The following RBM25 variants were observed in gnomAD, a reference collection of about 807,000 sequenced individuals.
The protein encoded by RBM25 is RNA binding motif protein 25.
In RBM25, 19 loss-of-function variants were observed where a neutral mutation model predicts 120.7. The ratio of observed to expected loss-of-function variants is 0.16; its 90% CI spans 0.11 to 0.23. The LOEUF (loss-of-function observed/expected upper bound fraction) is 0.23, where lower values mean the gene tolerates loss of function less well. Among genes scored for constraint, RBM25 ranks in the 10% least tolerant of loss-of-function variants. The pLI is 1.00. For missense variants in RBM25, 605 were observed against 1,041.5 expected, an observed-to-expected ratio of 0.58 and a Z score of 5.77; for synonymous variants, 390 against 326.7, an observed-to-expected ratio of 1.19 and a Z score of -2.09.
intron 4 of RBM25, among the ~76,000 whole-genome samples, chr14:73,081,988 C>T (rs575171297): frequency 3.9e-4 from 59 of 152,226 alleles, no homozygotes; most frequent in Non-Finnish European, 7.5e-4. Context: ...TGGGCCATTT[C>T]GTTCTGGAGC....
chr14:73,118,009 A>G (rs1896471047), intron 18 of RBM25, among the ~76,000 whole-genome samples: 1 of 152,224 alleles, frequency 6.6e-6, no homozygotes, highest in African/African-American at 2.4e-5. Context: ...GTAGAGAGGA[A>G]GACAATTTCC....
chr14:73,108,471 T>C (rs1305373532), intron 13 of RBM25, among the ~76,000 whole-genome samples: 8 of 152,220 alleles, frequency 5.3e-5, no homozygotes, highest in Non-Finnish European at 1.2e-4. Context: ...AATTGATACA[T>C]TATTGTGAAG....
intron 1 of RBM25, chr14:73,059,274 A>T (rs1594889440): frequency 6.6e-6 from 1 of 151,934 alleles, no homozygotes; most frequent in South Asian, 2.1e-4. Context: ...GCTAATACCT[A>T]CCTTTTTAGC....
chr14:73,107,688 G>T, intron 12 of RBM25, 138 bp from the exon 13 acceptor site: 1 of 668,140 alleles, frequency 1.5e-6, no homozygotes, highest in Non-Finnish European at 2.6e-6. Flanking sequence ...TTAAAATTAT[G>T]TGAAGAGAAA....
chr14:73,105,836 G>A lies in RBM25; in HGVS notation c.1155-23G>A, dbSNP rs778688399. 75 of 1,598,350 alleles carry A rather than the reference G, an allele frequency of 4.7e-5. No individual in the cohort carries two copies. In the South Asian group the frequency reaches 6.0e-4, roughly 13 times the overall value. On this transcript the variant is annotated intron_variant, in intron 10 of 18. Coordinates refer to ENST00000261973, the MANE Select transcript of RBM25 (RefSeq NM_021239.3). ...AAACAGAAAGTAGACTGACAGATTT[G>A]TAAAATATTTTGTTTACATTAGAGA...
At chr14:73,065,968 A>G (rs2806047) in intron 1 of RBM25, among the ~76,000 whole-genome samples, 44,638 of 152,164 alleles carry the variant, frequency 0.29, 7,051 homozygotes, top group Non-Finnish European at 0.35. Context: ...GCACTGGGCC[A>G]TTGCTAGAAT....
intron 4 of RBM25, among the ~76,000 whole-genome samples, chr14:73,078,624 T>C (rs984370559): frequency 1.3e-5 from 2 of 152,256 alleles, no homozygotes; most frequent in Non-Finnish European, 2.9e-5. Context: ...TTATTTACTT[T>C]TGAGACAGAT....
intron 17 of RBM25, among the ~76,000 whole-genome samples, chr14:73,113,136 C>A (rs888657524): frequency 6.6e-6 from 1 of 152,102 alleles, no homozygotes; most frequent in Non-Finnish European, 1.5e-5. Flanking sequence ...TCCCCTAGCT[C>A]CCCACCCGCC....
chr14:73,089,407 T>A (rs1895759506), intron 6 of RBM25, among the ~76,000 whole-genome samples: 1 of 152,134 alleles, frequency 6.6e-6, no homozygotes, highest in Non-Finnish European at 1.5e-5. Context: ...CAGGCTAGAG[T>A]GCAGTGGTGC....
chr14:73,103,990 A>ACTCT (rs764640144), intron 10 of RBM25, among the ~76,000 whole-genome samples: 58 of 116,646 alleles, frequency 5.0e-4, no homozygotes, highest in Admixed American at 1.6e-3. Context: ...ACACACACAC[A>ACTCT]CACACTCTCT....
At chr14:73,103,142 A>G (rs1213422222) in intron 9 of RBM25, 50 bp from the exon 10 acceptor site, 1 of 1,566,282 alleles carries the variant, frequency 6.4e-7, no homozygotes, top group African/African-American at 1.4e-5. Flanking sequence ...GAAAAATCTG[A>G]ATACTGGAGC....
intron 18 of RBM25, among the ~76,000 whole-genome samples, chr14:73,115,705 T>G (rs1352090045): frequency 6.6e-6 from 1 of 152,248 alleles, no homozygotes; most frequent in Non-Finnish European, 1.5e-5. Context: ...AGCAAGAGAT[T>G]GAACTATGAT....
chr14:73,098,722 C>G (rs1260095856), intron 7 of RBM25, among the ~76,000 whole-genome samples: 1 of 152,042 alleles, frequency 6.6e-6, no homozygotes, highest in Non-Finnish European at 1.5e-5. Flanking sequence ...CAGCTCACTG[C>G]AAGCTCTGCC....
chr14:73,103,905 GTCTCTCTCTCTCTC>G (rs72346306), intron 10 of RBM25, among the ~76,000 whole-genome samples: 2,002 of 91,324 alleles, frequency 0.022, 23 homozygotes, highest in East Asian at 0.056. Context: ...CTGTCTGTCT[GTCTCTCTCTCTCTC>G]TCTCTCTCTC....
At chr14:73,101,512 G>GTGTATA (rs35216729) in intron 9 of RBM25, 11 of 137,464 alleles carry the variant, frequency 8.0e-5, no homozygotes, top group Non-Finnish European at 1.6e-4. Flanking sequence ...ATACATGTGT[G>GTGTATA]TATATATATA....
chr14:73,103,905 GTCTCTCTCTCTCTCTC>G (rs72346306), intron 10 of RBM25, among the ~76,000 whole-genome samples: 2,690 of 91,312 alleles, frequency 0.029, 27 homozygotes, highest in East Asian at 0.05. Context: ...CTGTCTGTCT[GTCTCTCTCTCTCTCTC>G]TCTCTCTCTC....
intron 6 of RBM25, among the ~76,000 whole-genome samples, chr14:73,090,864 A>G (rs76733901): frequency 0.056 from 8,535 of 152,320 alleles, 326 homozygotes; most frequent in Non-Finnish European, 0.089. Context: ...CAGTCTTACT[A>G]TCCTCACCCT....
At chr14:73,064,250 A>C (rs1025809262) in intron 1 of RBM25, among the ~76,000 whole-genome samples, 1 of 151,482 alleles carries the variant, frequency 6.6e-6, no homozygotes, top group Non-Finnish European at 1.5e-5. Context: ...ATGATTATGA[A>C]AGTTAATTCT....
chr14:73,098,472 T>C (rs1895994595), intron 7 of RBM25, among the ~76,000 whole-genome samples: 1 of 152,192 alleles, frequency 6.6e-6, no homozygotes, highest in African/African-American at 2.4e-5. Context: ...AAAAAAGTAC[T>C]ACGTGGTATA....
Sources: allele counts gnomAD v4.1 joint callset (sites outside exome capture counted in the v4.1 genomes callset), GRCh38; gene constraint gnomAD v4.1.1; transcripts MANE v1.5; gene names NCBI Gene and HGNC (gene_info 2026-07-23, HGNC 2026-07-21).